The following ARHGAP35 variants were observed in gnomAD, a reference collection of about 807,000 sequenced individuals.
ARHGAP35 encodes Rho GTPase activating protein 35, also known as rho GTPase-activating protein 35.
A neutral mutation model predicts 111.1 loss-of-function variants in ARHGAP35; 15 were observed. That is an observed-to-expected ratio of 0.13 (90% CI 0.09 to 0.21). The LOEUF is 0.21. ARHGAP35 is among the 10% of genes least tolerant of loss of function. ARHGAP35 has a pLI of 1.00. For synonymous variants in ARHGAP35, 643 were observed against 710.3 expected (o/e 0.91, Z 1.51); for missense variants, 1,262 against 1,873.0 (o/e 0.67, Z 6.02).
intron 1 of ARHGAP35, among the ~76,000 whole-genome samples, chr19:46,888,365 C>CACACA (rs1568461185): frequency 7.1e-5 from 9 of 127,446 alleles, no homozygotes; most frequent in Non-Finnish European, 1.2e-4. Flanking sequence ...CACACACACA[C>CACACA]CCCACAACAA....
intron 1 of ARHGAP35, among the ~76,000 whole-genome samples, chr19:46,862,825 C>T (rs1196338386): frequency 1.3e-5 from 2 of 152,072 alleles, no homozygotes; most frequent in African/African-American, 4.8e-5. Flanking sequence ...TGATTCAGCC[C>T]TCACCCTTCA....
chr19:46,989,697 T>C lies in ARHGAP35; in HGVS notation c.4036+22T>C. On this transcript the variant is annotated intron_variant, in intron 5 of 6. Transcript: ENST00000672722. This position sits in a 1 kb window ranked among gnomAD's most constrained non-coding sequence, Gnocchi z 5.3. The stretch of plus-strand genomic sequence containing the variant: ...CACAGTGAGTACCGGCAGCCCAGTG[T>C]TGGGCGGATTGAGGGAGAAAGGGCT... 1 of 1,613,276 alleles carries C rather than the reference T, an allele frequency of 6.2e-7. No homozygotes were observed. Among genetic ancestry groups the C allele is most frequent in the Non-Finnish European group, 8.5e-7 (1 of 1,179,600 alleles).
chr19:46,994,324 T>C lies in ARHGAP35; in HGVS notation c.4036+4649T>C, dbSNP rs2056695260. On this transcript the variant is annotated intron_variant, in intron 5 of 6. Coordinates refer to ENST00000672722, the MANE Select transcript of ARHGAP35 (RefSeq NM_004491.5). This position sits in a 1 kb window ranked among gnomAD's most constrained non-coding sequence, Gnocchi z 5.4. ...TACAGCAGGGCTCCACTGAAGATGG[T>C]GAGTGGCTGCCCTGAGTGTGCCGCT... is the stretch of plus-strand genomic sequence containing the variant. Among the ~76,000 whole-genome samples the C allele has an allele frequency of 6.6e-6, 1 of 152,116 alleles. No homozygotes were observed.
chr19:46,875,363 A>T (rs1272039220), intron 1 of ARHGAP35, among the ~76,000 whole-genome samples: 3 of 152,156 alleles, frequency 2.0e-5, no homozygotes, highest in African/African-American at 7.2e-5. Context: ...TTGTTCTGTG[A>T]CATCACCTAG....
At chr19:46,911,246 C>G (rs1241993423) in intron 1 of ARHGAP35, among the ~76,000 whole-genome samples, 1 of 152,208 alleles carries the variant, frequency 6.6e-6, no homozygotes, top group Non-Finnish European at 1.5e-5. Flanking sequence ...TGATGCCTTT[C>G]CCACTTACTC....
intron 1 of ARHGAP35, among the ~76,000 whole-genome samples, chr19:46,886,717 G>T (rs2055994918): frequency 6.6e-6 from 1 of 152,124 alleles, no homozygotes; most frequent in Non-Finnish European, 1.5e-5. Flanking sequence ...ACTAATACTG[G>T]TAAAAGTGTC....
At chr19:46,879,626 A>ATAAAAC (rs2055948264) in intron 1 of ARHGAP35, among the ~76,000 whole-genome samples, 1 of 89,634 alleles carries the variant, frequency 1.1e-5, no homozygotes, top group African/African-American at 4.1e-5. Context: ...AAAAATAAAA[A>ATAAAAC]TACAAAAATT....
rs1260094408 is a variant in ARHGAP35, at chr19:46,999,508, C to T, written c.4142+99C>T. ...GGCTCTGTCCACAAGCCAGTAGAAG[C>T]CTCAGGCCCTGGCCTGGAAGGGGTG... On this transcript the variant is annotated intron_variant, in intron 6 of 6. Coordinates refer to ENST00000672722, the MANE Select transcript of ARHGAP35 (RefSeq NM_004491.5). The surrounding 1 kb of genome is among the most constrained non-coding windows in gnomAD (Gnocchi z 5.4). 2.4e-6 allele frequency: 2 copies of T among 820,074 alleles called. No individual in the cohort carries two copies. The highest frequency in any genetic ancestry group is 1.9e-6 in the Non-Finnish European group (1 of 512,980). 50.8% of individuals were successfully genotyped at this position (820,074 alleles called of 1,614,324 possible). A position where few individuals can be genotyped will look rare whatever the true frequency, so the allele number is the denominator to read the frequency against.
rs748059754 is a variant in ARHGAP35 at position 46,921,008 on chromosome 19, C to G, written c.2333C>G (p.Ala778Gly). The G allele has an allele frequency of 4.3e-6, 7 of 1,613,970 alleles. No individual in the cohort carries two copies. In the South Asian group the frequency reaches 7.7e-5, roughly 18 times the overall value. Reference sequence around the variant, plus strand: ...TCTACTGCTAGCATCAAAGATTTGGCTGATGTTGATCTGCGAATTGTTATG... The same window carrying G: ...TCTACTGCTAGCATCAAAGATTTGGGTGATGTTGATCTGCGAATTGTTATG... The part of the protein sequence containing the change: ...VSSTASIKDL[A>G]DVDLRIVMCL... Residue 778 changes from alanine to glycine, a missense_variant, in exon 2 of 7, where the codon GCT (alanine) becomes GGT (glycine). Coordinates refer to ENST00000672722, the MANE Select transcript of ARHGAP35 (RefSeq NM_004491.5). This position sits in a 1 kb window ranked among gnomAD's most constrained non-coding sequence, Gnocchi z 4.3.
intron 1 of ARHGAP35, among the ~76,000 whole-genome samples, chr19:46,886,560 G>A (rs559804683): frequency 1.3e-5 from 2 of 152,074 alleles, no homozygotes; most frequent in African/African-American, 2.4e-5. Flanking sequence ...TTAACTGTAG[G>A]ATAAATTGCC....
chr19:46,969,867 C>T (rs2056535200), intron 3 of ARHGAP35, among the ~76,000 whole-genome samples: 1 of 152,132 alleles, frequency 6.6e-6, no homozygotes, highest in Non-Finnish European at 1.5e-5. Context: ...TGTGAATACC[C>T]CCCTCCCACC....
chr19:46,905,562 C>A lies in ARHGAP35; in HGVS notation c.-188-12926C>A, dbSNP rs117163576. Among the ~76,000 whole-genome samples the A allele has an allele frequency of 8.1e-5, 12 of 147,500 alleles. No individual in the cohort carries two copies. In the South Asian group the frequency reaches 8.8e-4, roughly 11 times the overall value. ...AGCTAATTTTTGTATTCCACCCCCCCCCCCCAAGACAGAGTCTTACTCTGT... is the reference window on the plus strand; with the variant it reads ...AGCTAATTTTTGTATTCCACCCCCCACCCCCAAGACAGAGTCTTACTCTGT... On this transcript the variant is annotated intron_variant, in intron 1 of 6. Coordinates refer to ENST00000672722, the MANE Select transcript of ARHGAP35 (RefSeq NM_004491.5).
chr19:46,871,639 G>A (rs1405848694), intron 1 of ARHGAP35, among the ~76,000 whole-genome samples: 5 of 151,096 alleles, frequency 3.3e-5, no homozygotes, highest in African/African-American at 7.3e-5. Context: ...CACCATGCCC[G>A]TCCAGCAATG....
rs73567960 is a variant in ARHGAP35 at position 46,964,984 on chromosome 19, G to T, written c.3827-23005G>T. Among the ~76,000 whole-genome samples the T allele has an allele frequency of 6.2e-3, 949 of 152,254 alleles. 8 individuals are homozygous for T. The highest frequency in any genetic ancestry group is 0.021 in the African/African-American group (862 of 41,540). ...TTGATAGCCTTCCCCTATATTTTGT[G>T]ACAATTACTTTATCAAATATTCAGT... On this transcript the variant is annotated intron_variant, in intron 3 of 6. Coordinates refer to ENST00000672722, the MANE Select transcript of ARHGAP35 (RefSeq NM_004491.5).
At chr19:46,966,200 T>C (rs1263334628) in intron 3 of ARHGAP35, among the ~76,000 whole-genome samples, 2 of 152,240 alleles carry the variant, frequency 1.3e-5, no homozygotes, top group African/African-American at 2.4e-5. Context: ...TTTGGTATTA[T>C]TTTATTTAGT....
intron 3 of ARHGAP35, among the ~76,000 whole-genome samples, chr19:46,943,879 C>T (rs372085080): frequency 1.3e-5 from 2 of 152,164 alleles, no homozygotes; most frequent in South Asian, 2.1e-4. Context: ...AGCCAGGGCA[C>T]GGCCAGCGGG....
intron 1 of ARHGAP35, among the ~76,000 whole-genome samples, chr19:46,888,267 T>C (rs2056003600): frequency 2.3e-4 from 1 of 4,376 alleles, no homozygotes; most frequent in South Asian, 6.8e-3. Context: ...CAATAATATA[T>C]ATATATATAT....
intron 3 of ARHGAP35, among the ~76,000 whole-genome samples, chr19:46,964,197 A>C (rs932065037): frequency 7.2e-5 from 11 of 152,100 alleles, no homozygotes; most frequent in Non-Finnish European, 1.0e-4. Context: ...ATGCCCAGAC[A>C]AGATTATTAT....
At chr19:46,973,859 G>A (rs1001696135) in intron 3 of ARHGAP35, among the ~76,000 whole-genome samples, 9 of 151,874 alleles carry the variant, frequency 5.9e-5, no homozygotes, top group African/African-American at 1.7e-4. Flanking sequence ...AAAATTAGCC[G>A]AGCATGATAG....
Sources: allele counts gnomAD v4.1 joint callset (sites outside exome capture counted in the v4.1 genomes callset), GRCh38; gene constraint gnomAD v4.1.1; non-coding constraint Gnocchi (gnomAD v3.1); transcripts MANE v1.5; gene names NCBI Gene and HGNC (gene_info 2026-07-23, HGNC 2026-07-21).